The following PLXDC2 variants were observed in gnomAD, a reference collection of about 807,000 sequenced individuals.
The protein encoded by PLXDC2 is plexin domain-containing protein 2.
A neutral mutation model predicts 68.9 loss-of-function variants in PLXDC2; 40 were observed. That is an observed-to-expected ratio of 0.58 (90% CI 0.45 to 0.76). The LOEUF is 0.76. Ranked by LOEUF, PLXDC2 falls within the 30% of genes least tolerant of loss-of-function variation. The probability of loss-of-function intolerance (pLI) is 0.00; values close to 1 mark genes in which losing one functional copy is unlikely to be tolerated. For missense variants in PLXDC2, 644 were observed against 661.9 expected (o/e 0.97, Z 0.30); for synonymous variants, 243 against 234.2 (o/e 1.04, Z -0.34).
At chr10:19,861,819 A>G (rs1837324371) in intron 1 of PLXDC2, among the ~76,000 whole-genome samples, 1 of 152,156 alleles carries the variant, frequency 6.6e-6, no homozygotes, top group Non-Finnish European at 1.5e-5. Context: ...CTTCATGCTA[A>G]TATCTCCATT....
chr10:20,021,335 C>G (rs1835305484), intron 2 of PLXDC2, among the ~76,000 whole-genome samples: 1 of 152,068 alleles, frequency 6.6e-6, no homozygotes, highest in African/African-American at 2.4e-5. Flanking sequence ...TATATACATG[C>G]CCTGGTGGTT....
intron 1 of PLXDC2, among the ~76,000 whole-genome samples, chr10:19,882,745 G>A (rs1352569815): frequency 6.6e-6 from 1 of 152,164 alleles, no homozygotes; most frequent in Non-Finnish European, 1.5e-5. Context: ...TTTGTTAAAT[G>A]TAAGTTCAAT....
At chr10:19,972,537 C>T (rs1834372527) in intron 1 of PLXDC2, among the ~76,000 whole-genome samples, 1 of 152,060 alleles carries the variant, frequency 6.6e-6, no homozygotes, top group Non-Finnish European at 1.5e-5. Context: ...ACAGCAAATC[C>T]AAGCAACATG....
chr10:19,869,397 C>G lies in PLXDC2; in HGVS notation c.112+52206C>G, dbSNP rs149839083. 6.5e-3 allele frequency among the ~76,000 whole-genome samples: 932 copies of G among 142,882 alleles called. 11 individuals carry two copies. The highest frequency in any genetic ancestry group is 0.021 in the African/African-American group (813 of 38,150). 93.7% of individuals were successfully genotyped at this position (142,882 alleles called of 152,430 possible). A position where few individuals can be genotyped will look rare whatever the true frequency, so the allele number is the denominator to read the frequency against. On this transcript the variant is annotated intron_variant, in intron 1 of 13. Coordinates refer to ENST00000377252, the MANE Select transcript of PLXDC2 (RefSeq NM_032812.9). ...TGAAATGCTGCCACTGCACTCCAGCCTGGGCAACAGAGCAAGACTCTACCA... is the reference window on the plus strand; with the variant it reads ...TGAAATGCTGCCACTGCACTCCAGCGTGGGCAACAGAGCAAGACTCTACCA...
At chr10:19,856,387 C>CACACAG (rs1554840345) in intron 1 of PLXDC2, among the ~76,000 whole-genome samples, 1 of 136,016 alleles carries the variant, frequency 7.4e-6, no homozygotes, top group Non-Finnish European at 1.7e-5. Context: ...CAGACACACA[C>CACACAG]ACACACACAC....
At chr10:20,113,862 A>G (rs1275204218) in intron 4 of PLXDC2, among the ~76,000 whole-genome samples, 1 of 152,166 alleles carries the variant, frequency 6.6e-6, no homozygotes, top group African/African-American at 2.4e-5. Flanking sequence ...GTGGTGTCTC[A>G]TGCATGTAAC....
At chr10:20,209,238 G>T (rs1835034962) in intron 9 of PLXDC2, among the ~76,000 whole-genome samples, 1 of 152,110 alleles carries the variant, frequency 6.6e-6, no homozygotes, top group South Asian at 2.1e-4. Context: ...CCCTGCAGCT[G>T]CAACCTTAGA....
Position 20,164,489 on chromosome 10 carries a change from A to T in PLXDC2, c.805A>T (p.Ile269Leu). 1 of 1,613,542 alleles carries T rather than the reference A, an allele frequency of 6.2e-7. No individual in the cohort carries two copies. The stretch of plus-strand genomic sequence containing the variant: ...CCAGATTCCTGTCTTGGTCACACAG[A>T]TAAGTTCAACCAATCATCCAGTGAA... ...YKEIPVLVTQ[I>L]SSTNHPVKVG... The change falls in exon 7 of 14, where the codon ATA (isoleucine) becomes TTA (leucine). Residue 269 changes from isoleucine to leucine, a missense_variant. Ile to Leu is a conservative substitution (Grantham distance 5). Transcript: ENST00000377252.
At chr10:20,086,006 G>A (rs1219933120) in intron 4 of PLXDC2, among the ~76,000 whole-genome samples, 5 of 152,156 alleles carry the variant, frequency 3.3e-5, no homozygotes, top group Non-Finnish European at 2.9e-5. Context: ...TCTTGTAATG[G>A]TTTGCTTGAC....
At chr10:20,124,800 G>C (rs1284037642) in intron 4 of PLXDC2, among the ~76,000 whole-genome samples, 1 of 150,752 alleles carries the variant, frequency 6.6e-6, no homozygotes, top group Non-Finnish European at 1.5e-5. Context: ...ATTGTCATCA[G>C]TTAAGGCAGG....
chr10:19,938,482 A>G (rs1237164855), intron 1 of PLXDC2, among the ~76,000 whole-genome samples: 1 of 152,128 alleles, frequency 6.6e-6, no homozygotes, highest in African/African-American at 2.4e-5. Flanking sequence ...GACATCTTAC[A>G]CGGCAGGAGC....
Position 20,207,779 on chromosome 10 carries a change from C to T in PLXDC2, c.1062-3890C>T, listed in dbSNP as rs556291830. Among the ~76,000 whole-genome samples, 6 of 152,274 alleles carry T rather than the reference C, an allele frequency of 3.9e-5. No individual in the cohort carries two copies. The South Asian group carries it at 1.2e-3, about 32-fold the overall frequency. On this transcript the variant is annotated intron_variant, in intron 9 of 13. Transcript: ENST00000377252. Reference sequence around the variant, plus strand: ...CAAATTTAGGATGCCAAATCCCACACTGATGTTTACTCCACACTTAAGCTT... The same window carrying T: ...CAAATTTAGGATGCCAAATCCCACATTGATGTTTACTCCACACTTAAGCTT...
chr10:20,230,079 G>A (rs1442629470), intron 12 of PLXDC2, among the ~76,000 whole-genome samples: 1 of 152,090 alleles, frequency 6.6e-6, no homozygotes, highest in Non-Finnish European at 1.5e-5. Flanking sequence ...CTAAATGGCA[G>A]ACCAAATACA....
intron 3 of PLXDC2, among the ~76,000 whole-genome samples, chr10:20,059,646 A>G (rs1836063662): frequency 1.3e-5 from 2 of 152,136 alleles, no homozygotes; most frequent in Admixed American, 6.6e-5. Flanking sequence ...CTCTGTTTGT[A>G]TATTTGTGTA....
intron 2 of PLXDC2, among the ~76,000 whole-genome samples, chr10:20,022,142 A>C (rs1835322316): frequency 6.6e-6 from 1 of 152,202 alleles, no homozygotes; most frequent in Admixed American, 6.6e-5. Flanking sequence ...CTGTTTATCA[A>C]CTGTCATCTA....
chr10:20,178,594 G>A (rs551946968), intron 9 of PLXDC2, among the ~76,000 whole-genome samples: 7 of 152,050 alleles, frequency 4.6e-5, no homozygotes, highest in African/African-American at 7.2e-5. Flanking sequence ...GGTTGTATGA[G>A]CAGTCTGTCT....
intron 1 of PLXDC2, among the ~76,000 whole-genome samples, chr10:19,982,285 T>C (rs1834563060): frequency 6.6e-6 from 1 of 152,224 alleles, no homozygotes; most frequent in South Asian, 2.1e-4. Context: ...AGTCCCTGAA[T>C]GGTCCCGTGT....
intron 1 of PLXDC2, among the ~76,000 whole-genome samples, chr10:19,819,227 G>A (rs540240260): frequency 6.6e-6 from 1 of 152,228 alleles, no homozygotes; most frequent in East Asian, 1.9e-4. Context: ...GAATATTTCT[G>A]ATGGGAAATA....
chr10:19,846,323 G>C (rs922179815), intron 1 of PLXDC2, among the ~76,000 whole-genome samples: 1 of 152,104 alleles, frequency 6.6e-6, no homozygotes, highest in Non-Finnish European at 1.5e-5. Flanking sequence ...CCTGTGATTT[G>C]ATATTTTTAC....
Sources: gnomAD v4.1 joint callset for allele counts (sites outside exome capture counted in the v4.1 genomes callset) on GRCh38, gnomAD v4.1.1 for gene constraint, MANE v1.5 for transcripts, NCBI Gene and HGNC (gene_info 2026-07-23, HGNC 2026-07-21) for gene names.